Variants in CEP128 observed in about 807,000 individuals in gnomAD.
The protein encoded by CEP128 is centrosomal protein 128kDa.
Under a neutral mutation model 156.7 loss-of-function variants are expected in CEP128, and 132 were observed. The ratio of observed to expected loss-of-function variants is 0.84; its 90% CI spans 0.73 to 0.97. The LOEUF is 0.97. Among genes scored for constraint, CEP128 ranks in the 50% least tolerant of loss-of-function variants. CEP128 has a pLI of 0.00. For missense variants in CEP128, 1,252 were observed against 1,281.9 expected (o/e 0.98, Z 0.36); for synonymous variants, 469 against 448.9 (o/e 1.04, Z -0.57).
At chr14:80,731,652 G>A (rs1342743576) in intron 19 of CEP128, among the ~76,000 whole-genome samples, 1 of 152,140 alleles carries the variant, frequency 6.6e-6, no homozygotes, top group African/African-American at 2.4e-5. Context: ...CATGGTTGAT[G>A]TGATGGAACT....
At position 80,586,653 on chromosome 14, in the gene CEP128, C is replaced by A. The variant is rs558305793; in HGVS notation, c.2807-6230G>T. On this transcript the variant is annotated intron_variant, in intron 19 of 24. Transcript: ENST00000555265. ...AATCTGTGGGAAGACCCACAGTTAC[C>A]AACTGTCCACGTTAAAATTCCTCAG... Among the ~76,000 whole-genome samples the A allele has an allele frequency of 2.6e-4, 40 of 152,254 alleles. 1 individual carries two copies. Among genetic ancestry groups the A allele is most frequent in the African/African-American group, 8.9e-4 (37 of 41,560 alleles).
chr14:80,599,567 G>A (rs567375760), intron 19 of CEP128, among the ~76,000 whole-genome samples: 79 of 151,816 alleles, frequency 5.2e-4, no homozygotes, highest in South Asian at 1.0e-3. Flanking sequence ...GAGCCACTGC[G>A]CCCGGCTGAG....
intron 21 of CEP128, among the ~76,000 whole-genome samples, chr14:80,540,508 G>A (rs1889708385): frequency 6.6e-6 from 1 of 152,222 alleles, no homozygotes; most frequent in South Asian, 2.1e-4. Context: ...CTTGCAGCCA[G>A]GTGAGGCCAA....
intron 19 of CEP128, among the ~76,000 whole-genome samples, chr14:80,624,482 G>A (rs1893625015): frequency 1.3e-5 from 2 of 152,020 alleles, no homozygotes; most frequent in Admixed American, 1.3e-4. Context: ...TCAATTTTTA[G>A]TTTTTTTGTG....
At chr14:80,911,979 G>A (rs1218959808) in intron 4 of CEP128, among the ~76,000 whole-genome samples, 2 of 152,166 alleles carry the variant, frequency 1.3e-5, no homozygotes, top group Non-Finnish European at 2.9e-5. Context: ...AGCACTTTGG[G>A]AGGCCAAGGC....
At position 80,852,302 on chromosome 14, in the gene CEP128, A is replaced by G. The variant is rs542617524; in HGVS notation, c.762+10455T>C. On this transcript the variant is annotated intron_variant, in intron 9 of 24. Coordinates refer to ENST00000555265, the MANE Select transcript of CEP128 (RefSeq NM_152446.5). ...TATATCTCTGAAAATACCAAAAGACATTCCTAAATAAGTTTTGAGTTATAG... is the reference window on the plus strand; with the variant it reads ...TATATCTCTGAAAATACCAAAAGACGTTCCTAAATAAGTTTTGAGTTATAG... 2.0e-5 allele frequency among the ~76,000 whole-genome samples: 3 copies of G among 152,108 alleles called. No homozygotes were observed. The South Asian group carries it at 6.2e-4, about 31-fold the overall frequency.
At chr14:80,539,541 G>C (rs527258785) in intron 21 of CEP128, among the ~76,000 whole-genome samples, 1 of 152,086 alleles carries the variant, frequency 6.6e-6, no homozygotes, top group East Asian at 1.9e-4. Context: ...GAGGATGTAC[G>C]TCACCACAGG....
intron 19 of CEP128, among the ~76,000 whole-genome samples, chr14:80,648,332 CAG>C (rs532247216): frequency 1.2e-3 from 187 of 152,162 alleles, no homozygotes; most frequent in Admixed American, 2.4e-3. Flanking sequence ...AGTGGCTTGA[CAG>C]ATATTTTGGT....
At chr14:80,653,489 G>A (rs960086689) in intron 19 of CEP128, among the ~76,000 whole-genome samples, 1 of 152,102 alleles carries the variant, frequency 6.6e-6, no homozygotes, top group African/African-American at 2.4e-5. Context: ...AGTGATAAGG[G>A]TGGCTACACT....
intron 12 of CEP128, among the ~76,000 whole-genome samples, chr14:80,832,330 A>T (rs12878945): frequency 0.4 from 61,023 of 151,862 alleles, 13,031 homozygotes; most frequent in Non-Finnish European, 0.47. Flanking sequence ...AATGTCAACA[A>T]CTGGAACATA....
At chr14:80,906,106 A>G in intron 4 of CEP128, 25 bp from the exon 5 acceptor site, 1 of 1,536,860 alleles carries the variant, frequency 6.5e-7, no homozygotes, top group Non-Finnish European at 8.8e-7. Flanking sequence ...ATAATGAATG[A>G]AGCGTTATTC....
At chr14:80,533,069 G>A (rs1239576448) in intron 21 of CEP128, among the ~76,000 whole-genome samples, 1 of 152,054 alleles carries the variant, frequency 6.6e-6, no homozygotes, top group African/African-American at 2.4e-5. Context: ...ATTTTTTCAT[G>A]TGTAGGAAAG....
chr14:80,712,599 G>C lies in CEP128; in HGVS notation c.2806+30476C>G, dbSNP rs761000089. Among the ~76,000 whole-genome samples the C allele has an allele frequency of 3.0e-4, 46 of 152,232 alleles. No individual in the cohort carries two copies. The Middle Eastern group carries it at 0.01, about 34-fold the overall frequency. ...AGTACCCAGAGCATGGTTTAGAAAA[G>C]AGAGACTGTGGCTATCAGTTGGTAG... On this transcript the variant is annotated intron_variant, in intron 19 of 24. Coordinates refer to ENST00000555265, the MANE Select transcript of CEP128 (RefSeq NM_152446.5).
chr14:80,847,088 GT>G lies in CEP128; in HGVS notation c.763-6321del, dbSNP rs1886646066. Reference sequence around the variant, plus strand: ...AAGGTTGAAAGAGACATCCTCCAAGGTCTCTTCAGAATTCTCTTCTATAGAA... The same window carrying G: ...AAGGTTGAAAGAGACATCCTCCAAGGCTCTTCAGAATTCTCTTCTATAGAA... On this transcript the variant is annotated intron_variant, in intron 9 of 24. Coordinates refer to ENST00000555265, the MANE Select transcript of CEP128 (RefSeq NM_152446.5). 3.9e-5 allele frequency among the ~76,000 whole-genome samples: 6 copies of G among 152,230 alleles called. No individual in the cohort carries two copies. The South Asian group carries it at 1.2e-3, about 32-fold the overall frequency.
intron 19 of CEP128, among the ~76,000 whole-genome samples, chr14:80,739,657 G>A (rs2139577721): frequency 6.6e-6 from 1 of 151,876 alleles, no homozygotes; most frequent in South Asian, 2.1e-4. Context: ...TGATATTTTG[G>A]TATTTTGAAT....
intron 19 of CEP128, among the ~76,000 whole-genome samples, chr14:80,682,232 G>A (rs1340604025): frequency 6.6e-6 from 1 of 152,134 alleles, no homozygotes; most frequent in Non-Finnish European, 1.5e-5. Flanking sequence ...TCCAGTAAGT[G>A]AAGAAAAAGA....
chr14:80,921,288 T>C (rs1884846437), intron 2 of CEP128, among the ~76,000 whole-genome samples: 1 of 152,168 alleles, frequency 6.6e-6, no homozygotes, highest in Non-Finnish European at 1.5e-5. Context: ...TCCTCCCTTA[T>C]GAATGGATTA....
chr14:80,930,028 G>A (rs748315622), intron 2 of CEP128, among the ~76,000 whole-genome samples: 5 of 152,156 alleles, frequency 3.3e-5, no homozygotes, highest in Admixed American at 6.5e-5. Flanking sequence ...TCAGATCAGC[G>A]GTGGCATTAG....
downstream of CEP128, among the ~76,000 whole-genome samples, chr14:80,495,705 T>C (rs4899770): frequency 0.78 from 119,162 of 151,954 alleles, 48,992 homozygotes; most frequent in Middle Eastern, 0.9. Flanking sequence ...CTAATAATGG[T>C]TTAGATCAGT....
Sources: gnomAD v4.1 joint callset for allele counts (sites outside exome capture counted in the v4.1 genomes callset) on GRCh38, gnomAD v4.1.1 for gene constraint, MANE v1.5 for transcripts, NCBI Gene and HGNC (gene_info 2026-07-23, HGNC 2026-07-21) for gene names.